TSHR: variants seen among roughly 807,000 people sequenced by gnomAD.
The protein encoded by TSHR is thyrotropin receptor.
A neutral mutation model predicts 64.1 loss-of-function variants in TSHR; 51 were observed. The observed-to-expected ratio is 0.80, with a 90% CI of 0.64 to 1.01. The LOEUF (loss-of-function observed/expected upper bound fraction) is 1.01, where lower values mean the gene tolerates loss of function less well. Among genes scored for constraint, TSHR ranks in the 50% least tolerant of loss-of-function variants. The pLI, the probability that TSHR is intolerant of heterozygous loss-of-function variation, is 0.00. For missense variants in TSHR, 877 were observed against 942.8 expected (o/e 0.93, Z 0.91); for synonymous variants, 361 against 361.9 (o/e 1.00, Z 0.03).
intron 1 of TSHR, among the ~76,000 whole-genome samples, chr14:80,962,590 GT>G (rs1887092662): frequency 6.6e-6 from 1 of 152,154 alleles, no homozygotes; most frequent in African/African-American, 2.4e-5. Flanking sequence ...ACATTTTGTG[GT>G]TCCAGGTAGA....
In TSHR at chr14:81,130,674, A is replaced by C. The variant is rs1404747717; in HGVS notation, c.693-9005A>C. On this transcript the variant is annotated intron_variant, in intron 8 of 9. Transcript: ENST00000298171. ...CAAATAGAAATCTCCAGTCCAGACA[A>C]TTCTCCCAAATTCCACGCTTATAAA... 1.4e-4 allele frequency among the ~76,000 whole-genome samples: 21 copies of C among 152,282 alleles called. No individual in the cohort carries two copies. The South Asian group carries it at 1.7e-3, about 12-fold the overall frequency.
rs771159611 is a variant in TSHR, at chr14:81,143,117, C to G, written c.1059C>G (p.Tyr353Ter). 1 of 1,614,156 alleles carries G rather than the reference C, an allele frequency of 6.2e-7. No individual in the cohort carries two copies. Among genetic ancestry groups the G allele is most frequent in the Non-Finnish European group, 8.5e-7 (1 of 1,180,032 alleles). ...ATACTCATAACAACGCTCATTATTA[C>G]GTCTTCTTTGAAGAACAAGAGGATG... ...FQDTHNNAHY[Y>*]VFFEEQEDEI... Residue 353 changes from tyrosine (Y) to a stop codon, truncating the protein, a stop_gained, in exon 10 of 10, where the codon TAC becomes TAG. Coordinates refer to ENST00000298171, the MANE Select transcript of TSHR (RefSeq NM_000369.5). LOFTEE classifies it high-confidence loss of function.
At chr14:80,978,123 A>ATG (rs1887979756) in intron 1 of TSHR, among the ~76,000 whole-genome samples, 1 of 151,048 alleles carries the variant, frequency 6.6e-6, no homozygotes, top group South Asian at 2.1e-4. Flanking sequence ...ACACACACAC[A>ATG]CACACACATG....
At chr14:81,001,692 T>G in intron 1 of TSHR, 1 of 499,306 alleles carries the variant, frequency 2.0e-6, no homozygotes. Flanking sequence ...CACACCCTTG[T>G]TGGCCTGGGC....
chr14:80,988,074 T>C (rs1362831841), intron 1 of TSHR, among the ~76,000 whole-genome samples: 2 of 152,220 alleles, frequency 1.3e-5, no homozygotes, highest in East Asian at 1.9e-4. Flanking sequence ...TTTTGACCTA[T>C]TGTCATCATT....
chr14:80,988,337 C>A (rs933167541), intron 1 of TSHR, among the ~76,000 whole-genome samples: 3 of 152,096 alleles, frequency 2.0e-5, no homozygotes, highest in African/African-American at 7.2e-5. Flanking sequence ...AGGAAACTTA[C>A]AATTATGGCA....
intron 1 of TSHR, among the ~76,000 whole-genome samples, chr14:81,059,412 T>A (rs777062439): frequency 1.3e-5 from 2 of 152,084 alleles, no homozygotes; most frequent in South Asian, 4.1e-4. Flanking sequence ...TTACACAAAC[T>A]CAATTGTGTA....
chr14:81,138,187 A>ATTTT (rs368195048), intron 8 of TSHR, among the ~76,000 whole-genome samples: 5 of 130,364 alleles, frequency 3.8e-5, no homozygotes, highest in African/African-American at 1.5e-4. Context: ...GCCAAGGGTA[A>ATTTT]TTTTTTTTTT....
intron 6 of TSHR, chr14:81,094,468 A>G (rs1460918709): frequency 6.6e-6 from 1 of 152,132 alleles, no homozygotes; most frequent in Non-Finnish European, 1.5e-5. Context: ...GAGTTTTCTC[A>G]GCCATTGTGC....
chr14:80,960,585 A>G lies in TSHR; in HGVS notation c.170+4735A>G, dbSNP rs546958558. On this transcript the variant is annotated intron_variant, in intron 1 of 9. Transcript: ENST00000298171. The stretch of plus-strand genomic sequence containing the variant: ...TAATAATGAACAATAAAATGTGTCC[A>G]TCATATATATATGAGAGAGAATATA... Among the ~76,000 whole-genome samples the G allele has an allele frequency of 3.1e-3, 477 of 152,332 alleles. 3 individuals carry two copies. The highest frequency in any genetic ancestry group is 5.5e-3 in the Non-Finnish European group (371 of 68,024).
intron 4 of TSHR, among the ~76,000 whole-genome samples, chr14:81,089,913 C>T (rs1030866517): frequency 6.6e-6 from 1 of 152,128 alleles, no homozygotes; most frequent in Admixed American, 6.5e-5. Context: ...AATCCTATGC[C>T]TTCTTCTCTA....
At chr14:81,079,976 G>A (rs1299276869) in intron 3 of TSHR, among the ~76,000 whole-genome samples, 5 of 151,050 alleles carry the variant, frequency 3.3e-5, no homozygotes, top group East Asian at 1.9e-4. Context: ...TTTTTGAGAC[G>A]GAGTCTTGCT....
chr14:81,067,944 T>TGGGAATATGCAC (rs1420090587), intron 2 of TSHR, among the ~76,000 whole-genome samples: 1 of 140,524 alleles, frequency 7.1e-6, no homozygotes, highest in African/African-American at 2.8e-5. Flanking sequence ...TATATATATA[T>TGGGAATATGCAC]ATATATATAT....
intron 3 of TSHR, among the ~76,000 whole-genome samples, chr14:81,083,483 G>A (rs1432411085): frequency 1.4e-5 from 2 of 147,634 alleles, no homozygotes; most frequent in Non-Finnish European, 1.5e-5. Flanking sequence ...AAAAAAAAAA[G>A]GCTGTATTTG....
At chr14:81,060,498 G>T (rs1886158185) in intron 1 of TSHR, among the ~76,000 whole-genome samples, 7 of 152,122 alleles carry the variant, frequency 4.6e-5, no homozygotes, top group Admixed American at 4.6e-4. Flanking sequence ...GTTGGGAAGA[G>T]TTGCAGATTT....
intron 1 of TSHR, among the ~76,000 whole-genome samples, chr14:80,958,887 G>A (rs991699784): frequency 7.2e-5 from 11 of 152,140 alleles, no homozygotes; most frequent in Admixed American, 6.5e-4. Flanking sequence ...GGTTTAAAAT[G>A]TAAGGTATTT....
chr14:81,108,663 C>G (rs773447372), intron 8 of TSHR: 2 of 1,614,034 alleles, frequency 1.2e-6, no homozygotes. Flanking sequence ...AGGCCCCACG[C>G]TCCAGTATGC....
chr14:81,114,590 G>A (rs1383997836), intron 8 of TSHR, among the ~76,000 whole-genome samples: 133 of 152,208 alleles, frequency 8.7e-4, no homozygotes, highest in Non-Finnish European at 2.4e-4. Flanking sequence ...CAAGGCGGCA[G>A]CGAGGCTGGG....
chr14:81,102,835 G>A (rs1456527539), intron 7 of TSHR: 14 of 985,266 alleles, frequency 1.4e-5, no homozygotes, highest in Non-Finnish European at 1.7e-5. Context: ...TTCTGGTAAA[G>A]GTTAAAGGGC....
Sources: allele counts gnomAD v4.1 joint callset (sites outside exome capture counted in the v4.1 genomes callset), GRCh38; gene constraint gnomAD v4.1.1; transcripts MANE v1.5; gene names NCBI Gene and HGNC (gene_info 2026-07-23, HGNC 2026-07-21).